The following SLC1A2 variants were observed in gnomAD, a reference collection of about 807,000 sequenced individuals.
The protein encoded by SLC1A2 is excitatory amino acid transporter 2.
Under a neutral mutation model 48.8 loss-of-function variants are expected in SLC1A2, and 15 were observed. The ratio of observed to expected loss-of-function variants is 0.31; its 90% CI spans 0.21 to 0.47. SLC1A2 has a LOEUF of 0.47. SLC1A2 is among the 20% of genes least tolerant of loss of function. The pLI, the probability that SLC1A2 is intolerant of heterozygous loss-of-function variation, is 0.99. For missense variants in SLC1A2, 502 were observed against 730.5 expected (o/e 0.69, Z 3.61); for synonymous variants, 279 against 272.6 (o/e 1.02, Z -0.23).
intron 1 of SLC1A2, among the ~76,000 whole-genome samples, chr11:35,332,018 C>T (rs572077441): frequency 5.9e-5 from 9 of 152,072 alleles, no homozygotes; most frequent in Non-Finnish European, 1.0e-4. Context: ...CCTCTGACAG[C>T]GAGTGGCAGG....
At chr11:35,368,829 G>A (rs551798495) in intron 1 of SLC1A2, among the ~76,000 whole-genome samples, 1 of 152,190 alleles carries the variant, frequency 6.6e-6, no homozygotes, top group African/African-American at 2.4e-5. Context: ...AGCTTACCCT[G>A]GGATATGCCA....
intron 1 of SLC1A2, among the ~76,000 whole-genome samples, chr11:35,367,931 C>T (rs887650570): frequency 1.3e-5 from 2 of 152,162 alleles, no homozygotes; most frequent in African/African-American, 2.4e-5. Flanking sequence ...GACATAAAAC[C>T]ATTTTTTACT....
In SLC1A2 at chr11:35,256,779, G is replaced by C. The variant is rs183692359; in HGVS notation, c.*4115C>G. Reference sequence around the variant, plus strand: ...CAGCAGCTCAGACAACTAGATAGCCGTAAGAGTTAGAGAGCAGCTAGGTGA... The same window carrying C: ...CAGCAGCTCAGACAACTAGATAGCCCTAAGAGTTAGAGAGCAGCTAGGTGA... On this transcript the variant is annotated 3_prime_UTR_variant, in exon 11 of 11. Coordinates refer to ENST00000278379, the MANE Select transcript of SLC1A2 (RefSeq NM_004171.4). The C allele has an allele frequency of 6.6e-6, 1 of 152,198 alleles. No homozygotes were observed. Among genetic ancestry groups the C allele is most frequent in the African/African-American group, 2.4e-5 (1 of 41,548 alleles). The allele number at this position is 152,198 out of a possible 1,614,324, so 9.4% of individuals were successfully genotyped here.
chr11:35,366,393 T>C (rs1565279265), intron 1 of SLC1A2, among the ~76,000 whole-genome samples: 1 of 152,188 alleles, frequency 6.6e-6, no homozygotes. Flanking sequence ...TCTCTGTGTG[T>C]ACACACGGGC....
intron 1 of SLC1A2, among the ~76,000 whole-genome samples, chr11:35,329,841 T>C (rs1025196869): frequency 6.6e-6 from 1 of 152,240 alleles, no homozygotes; most frequent in African/African-American, 2.4e-5. Flanking sequence ...CCACAGGTTA[T>C]TTTTCTATCC....
chr11:35,317,632 G>T, intron 1 of SLC1A2, 116 bp from the exon 2 acceptor site: 1 of 1,254,434 alleles, frequency 8.0e-7, no homozygotes, highest in Non-Finnish European at 1.1e-6. Context: ...CCATCTGCAG[G>T]AAAATAAAAG....
chr11:35,414,200 AAAAT>A (rs1855544882), intron 1 of SLC1A2, among the ~76,000 whole-genome samples: 1 of 152,248 alleles, frequency 6.6e-6, no homozygotes, highest in African/African-American at 2.4e-5. Context: ...ACATGAATGA[AAAAT>A]AAATAAATAT....
chr11:35,418,713 A>C, intron 1 of SLC1A2: 1 of 553,992 alleles, frequency 1.8e-6, no homozygotes, highest in East Asian at 3.2e-5. Context: ...AGCGCACCTT[A>C]CCCTTTTTAT....
intron 1 of SLC1A2, among the ~76,000 whole-genome samples, chr11:35,401,876 C>A (rs1049503512): frequency 6.6e-6 from 1 of 152,154 alleles, no homozygotes; most frequent in Non-Finnish European, 1.5e-5. Context: ...CAGTCCACCC[C>A]CTACTTCCAA....
In SLC1A2 at chr11:35,339,060, T is replaced by C. The variant is rs868480308; in HGVS notation, c.18-21544A>G. ...GATCATCTTGTTTTCTACTTATGAC[T>C]GTCCCATGGCAAGACCCAGTAGAGT... On this transcript the variant is annotated intron_variant, in intron 1 of 10. Transcript: ENST00000278379. 2.6e-5 allele frequency among the ~76,000 whole-genome samples: 4 copies of C among 152,324 alleles called. No homozygotes were observed. In the South Asian group the frequency reaches 8.3e-4, roughly 32 times the overall value.
At chr11:35,284,465 A>G (rs1235337118) in intron 8 of SLC1A2, among the ~76,000 whole-genome samples, 5 of 152,146 alleles carry the variant, frequency 3.3e-5, no homozygotes, top group African/African-American at 1.2e-4. Context: ...TAATTTAGCA[A>G]GAGAACCACT....
intron 1 of SLC1A2, among the ~76,000 whole-genome samples, chr11:35,344,810 A>G (rs1385465983): frequency 6.6e-6 from 1 of 152,206 alleles, no homozygotes; most frequent in East Asian, 1.9e-4. Context: ...GAGCAATAAA[A>G]AGCACAATCT....
chr11:35,390,079 T>G (rs999825893), intron 1 of SLC1A2, among the ~76,000 whole-genome samples: 6 of 152,256 alleles, frequency 3.9e-5, no homozygotes, highest in Non-Finnish European at 5.9e-5. Context: ...TAGCTGGTTT[T>G]GGATGTTTAT....
In SLC1A2 at chr11:35,295,225, T is replaced by A. The variant is rs189573963; in HGVS notation, c.858-2705A>T. On this transcript the variant is annotated intron_variant, in intron 6 of 10. Coordinates refer to ENST00000278379, the MANE Select transcript of SLC1A2 (RefSeq NM_004171.4). ...ACCATTCTCAGCTAATTTTTGTTTA[T>A]TTTTATTTTTGTAGGAGGTCTCACT... is the stretch of plus-strand genomic sequence containing the variant. 2.6e-3 allele frequency among the ~76,000 whole-genome samples: 398 copies of A among 152,156 alleles called. 1 individual carries two copies. Among genetic ancestry groups the A allele is most frequent in the Admixed American group, 5.3e-3 (81 of 15,274 alleles).
chr11:35,368,965 C>T (rs928353402), intron 1 of SLC1A2, among the ~76,000 whole-genome samples: 1 of 152,138 alleles, frequency 6.6e-6, no homozygotes, highest in Non-Finnish European at 1.5e-5. Context: ...ATTCCTGTAC[C>T]TTTCTATTTT....
chr11:35,397,710 G>A (rs952308357), intron 1 of SLC1A2, among the ~76,000 whole-genome samples: 11 of 152,034 alleles, frequency 7.2e-5, no homozygotes, highest in African/African-American at 2.7e-4. Context: ...TGGAATTAGA[G>A]CCCTTATAAA....
At chr11:35,355,436 AG>A (rs1853420642) in intron 1 of SLC1A2, among the ~76,000 whole-genome samples, 1 of 152,184 alleles carries the variant, frequency 6.6e-6, no homozygotes, top group African/African-American at 2.4e-5. Flanking sequence ...TCAGATGATT[AG>A]CACTTGTAAG....
At chr11:35,280,168 C>CTT (rs112958380) in intron 9 of SLC1A2, among the ~76,000 whole-genome samples, 1 of 151,326 alleles carries the variant, frequency 6.6e-6, no homozygotes, top group African/African-American at 2.4e-5. Flanking sequence ...TTTCTTTTTT[C>CTT]TTTTTTTTTC....
chr11:35,267,518 A>T (rs1047134843), intron 9 of SLC1A2, among the ~76,000 whole-genome samples: 2 of 152,154 alleles, frequency 1.3e-5, no homozygotes, highest in African/African-American at 2.4e-5. Flanking sequence ...ATTTGTGGCA[A>T]CTTCTAGGTA....
Sources: allele counts gnomAD v4.1 joint callset (sites outside exome capture counted in the v4.1 genomes callset), GRCh38; gene constraint gnomAD v4.1.1; transcripts MANE v1.5; gene names NCBI Gene and HGNC (gene_info 2026-07-23, HGNC 2026-07-21).